The following GALNT18 variants were observed in gnomAD, a reference collection of about 807,000 sequenced individuals.
The protein encoded by GALNT18 is GalNAc-transferase 18.
Under a neutral mutation model 69.5 loss-of-function variants are expected in GALNT18, and 44 were observed. The ratio of observed to expected loss-of-function variants is 0.63; its 90% confidence interval spans 0.50 to 0.81. GALNT18 has a LOEUF of 0.81. Among genes scored for constraint, GALNT18 ranks in the 40% least tolerant of loss-of-function variants. The pLI is 0.00. For missense variants in GALNT18, 715 were observed against 810.0 expected, an observed-to-expected ratio of 0.88 and a Z score of 1.42; for synonymous variants, 364 against 318.2, an observed-to-expected ratio of 1.14 and a Z score of -1.53.
intron 10 of GALNT18, among the ~76,000 whole-genome samples, chr11:11,286,196 T>TGAGA (rs1849189602): frequency 6.6e-6 from 1 of 152,348 alleles, no homozygotes; most frequent in East Asian, 1.9e-4. Flanking sequence ...CTCAACACCC[T>TGAGA]GAGATTTCAT....
chr11:11,456,632 G>A (rs1168432985), intron 1 of GALNT18, among the ~76,000 whole-genome samples: 1 of 152,130 alleles, frequency 6.6e-6, no homozygotes, highest in Non-Finnish European at 1.5e-5. Context: ...GGTTAGTACT[G>A]TCCCTTGACA....
chr11:11,602,226 T>C lies in GALNT18; in HGVS notation c.235+19133A>G, dbSNP rs111745185. 7.5e-3 allele frequency among the ~76,000 whole-genome samples: 1,147 copies of C among 152,274 alleles called. 19 individuals carry two copies. The highest frequency in any genetic ancestry group is 0.026 in the African/African-American group (1,092 of 41,536). On this transcript the variant is annotated intron_variant, in intron 1 of 10. Transcript: ENST00000227756. The surrounding 1 kb of genome is among the most constrained non-coding windows in gnomAD (Gnocchi z 4.7). ...TGGGTGGAGATGGTAGTCACTGATC[T>C]TCTTGAATTGTCTCTCCTGTTATGA... is the stretch of plus-strand genomic sequence containing the variant.
At position 11,614,324 on chromosome 11, in the gene GALNT18, TGA is replaced by T. The variant is rs1218655706; in HGVS notation, c.235+7033_235+7034del. ...GGTATGTCACATAGTGAGAGAGGGG[TGA>T]GAGAGAGAGGCAAGAGAGTGAGGAG... On this transcript the variant is annotated intron_variant, in intron 1 of 10. Transcript: ENST00000227756. The surrounding 1 kb of genome is among the most constrained non-coding windows in gnomAD (Gnocchi z 5.6). 6.8e-6 allele frequency among the ~76,000 whole-genome samples: 1 copy of T among 146,476 alleles called. No homozygotes were observed. Among genetic ancestry groups the T allele is most frequent in the Non-Finnish European group, 1.5e-5 (1 of 66,722 alleles).
intron 9 of GALNT18, among the ~76,000 whole-genome samples, chr11:11,308,078 A>G (rs1849608865): frequency 6.6e-6 from 1 of 152,142 alleles, no homozygotes; most frequent in Non-Finnish European, 1.5e-5. Flanking sequence ...TTATGGCTTT[A>G]CCTTAGCCAC....
At position 11,341,119 on chromosome 11, in the gene GALNT18, C is replaced by A. The variant is rs1299318436; in HGVS notation, c.1093-115G>T. The A allele has an allele frequency of 3.4e-6, 3 of 877,180 alleles. No individual in the cohort carries two copies. Among genetic ancestry groups the A allele is most frequent in the South Asian group, 3.5e-5 (2 of 56,996 alleles). The allele number at this position is 877,180 out of a possible 1,614,324, so 54.3% of individuals were successfully genotyped here. ...GAAAGTCAGCCCCTTCACCTTGACT[C>A]CCCAGATCACTCTCTGTGAAGGAGT... On this transcript the variant is annotated intron_variant, in intron 6 of 10. Coordinates refer to ENST00000227756, the MANE Select transcript of GALNT18 (RefSeq NM_198516.3). This position sits in a 1 kb window ranked among gnomAD's most constrained non-coding sequence, Gnocchi z 6.3.
At chr11:11,609,073 A>G (rs928281616) in intron 1 of GALNT18, among the ~76,000 whole-genome samples, 11 of 152,328 alleles carry the variant, frequency 7.2e-5, no homozygotes, top group African/African-American at 2.6e-4. Context: ...GGAGCATGTC[A>G]CATGTTTTCT....
At chr11:11,363,716 C>G (rs746375501) in intron 6 of GALNT18, among the ~76,000 whole-genome samples, 1 of 152,112 alleles carries the variant, frequency 6.6e-6, no homozygotes, top group Non-Finnish European at 1.5e-5. Context: ...ACTGAAAAGA[C>G]CTAGAAACAT....
chr11:11,447,355 C>T (rs1855679362), intron 2 of GALNT18, among the ~76,000 whole-genome samples: 1 of 152,192 alleles, frequency 6.6e-6, no homozygotes, highest in Non-Finnish European at 1.5e-5. Flanking sequence ...GTCTCTCTCT[C>T]TCTCCGACTT....
chr11:11,305,125 T>A (rs144256709), intron 9 of GALNT18, among the ~76,000 whole-genome samples: 205 of 152,264 alleles, frequency 1.3e-3, no homozygotes, highest in African/African-American at 4.6e-3. Flanking sequence ...ACCTCATCTA[T>A]GCAACGAAGA....
In GALNT18 at chr11:11,587,280, G is replaced by C. The variant is rs1204056757; in HGVS notation, c.235+34079C>G. Among the ~76,000 whole-genome samples the C allele has an allele frequency of 6.6e-6, 1 of 152,232 alleles. No individual in the cohort carries two copies. Among genetic ancestry groups the C allele is most frequent in the Non-Finnish European group, 1.5e-5 (1 of 68,044 alleles). On this transcript the variant is annotated intron_variant, in intron 1 of 10. Transcript: ENST00000227756. The surrounding 1 kb of genome is among the most constrained non-coding windows in gnomAD (Gnocchi z 4.4). ...TTTCTCAGAAATGAGGAAACTTGGA[G>C]GCAATTTGAGACTTGGGCTGAAAGG... is the stretch of plus-strand genomic sequence containing the variant.
rs564757059 is a variant in GALNT18 at position 11,616,096 on chromosome 11, A to G, written c.235+5263T>C. ...AGTGATCCTCCCACCTTGGCCTCCT[A>G]AAGTGCTGGGATTATAGGTATAAGC... On this transcript the variant is annotated intron_variant, in intron 1 of 10. Coordinates refer to ENST00000227756, the MANE Select transcript of GALNT18 (RefSeq NM_198516.3). This position sits in a 1 kb window ranked among gnomAD's most constrained non-coding sequence, Gnocchi z 4.4. 1.3e-5 allele frequency among the ~76,000 whole-genome samples: 2 copies of G among 152,176 alleles called. No individual in the cohort carries two copies. Among genetic ancestry groups the G allele is most frequent in the East Asian group, 3.9e-4 (2 of 5,180 alleles).
At chr11:11,521,058 A>G (rs1336873265) in intron 1 of GALNT18, among the ~76,000 whole-genome samples, 1 of 150,534 alleles carries the variant, frequency 6.6e-6, no homozygotes, top group Non-Finnish European at 1.5e-5. Context: ...CACATCTCTC[A>G]CTGGGGCTGA....
rs1373215066 is a variant in GALNT18 at position 11,341,396 on chromosome 11, A to G, written c.1093-392T>C. On this transcript the variant is annotated intron_variant, in intron 6 of 10. Coordinates refer to ENST00000227756, the MANE Select transcript of GALNT18 (RefSeq NM_198516.3). The surrounding 1 kb of genome is among the most constrained non-coding windows in gnomAD (Gnocchi z 6.3). The stretch of plus-strand genomic sequence containing the variant: ...TGCAGCAGTGGTTGACATAAAGGAG[A>G]ACCAGCAAGACTCCCAGCAGAGACT... 6.6e-6 allele frequency among the ~76,000 whole-genome samples: 1 copy of G among 152,040 alleles called. No individual in the cohort carries two copies. The highest frequency in any genetic ancestry group is 1.5e-5 in the Non-Finnish European group (1 of 68,020).
intron 1 of GALNT18, among the ~76,000 whole-genome samples, chr11:11,553,290 A>G (rs904836811): frequency 6.6e-6 from 1 of 152,186 alleles, no homozygotes; most frequent in African/African-American, 2.4e-5. Context: ...TGAGGTCCTG[A>G]GTAAACCTTC....
At chr11:11,307,728 C>T (rs1478096174) in intron 9 of GALNT18, among the ~76,000 whole-genome samples, 4 of 129,834 alleles carry the variant, frequency 3.1e-5, no homozygotes, top group Admixed American at 2.6e-4. Flanking sequence ...AGAAGCAGCT[C>T]TTCAGGAAGG....
Position 11,430,678 on chromosome 11 carries a change from A to G in GALNT18, c.595+1943T>C, listed in dbSNP as rs943896143. Among the ~76,000 whole-genome samples the G allele has an allele frequency of 6.6e-6, 1 of 152,152 alleles. No individual in the cohort carries two copies. Among genetic ancestry groups the G allele is most frequent in the Non-Finnish European group, 1.5e-5 (1 of 68,030 alleles). On this transcript the variant is annotated intron_variant, in intron 3 of 10. Transcript: ENST00000227756. The surrounding 1 kb of genome is among the most constrained non-coding windows in gnomAD (Gnocchi z 4.9). ...CCCTGGCTTGAAACTCTGAGCCATC[A>G]TTGACCTCCCCTCTGTTGGCCCGCC...
At chr11:11,336,084 G>A (rs185137769) in intron 7 of GALNT18, among the ~76,000 whole-genome samples, 2 of 152,312 alleles carry the variant, frequency 1.3e-5, no homozygotes, top group Admixed American at 1.3e-4. Context: ...ACTTAAAGGA[G>A]GGCTATCACT....
rs1023118281 is a variant in GALNT18, at chr11:11,353,104, G to A, written c.1093-12100C>T. 1.9e-6 allele frequency: 3 copies of A among 1,613,994 alleles called. No individual in the cohort carries two copies. In the African/African-American group the frequency reaches 4.0e-5, roughly 22 times the overall value. ...TCTGTGTAAACTCTGGCCCTGCTTGGCACGGGTCCCGACATGTCAGACAGG... is the reference window on the plus strand; with the variant it reads ...TCTGTGTAAACTCTGGCCCTGCTTGACACGGGTCCCGACATGTCAGACAGG... On this transcript the variant is annotated intron_variant, in intron 6 of 10. Coordinates refer to ENST00000227756, the MANE Select transcript of GALNT18 (RefSeq NM_198516.3).
chr11:11,409,910 A>G (rs1425479826), intron 3 of GALNT18, among the ~76,000 whole-genome samples: 1 of 152,206 alleles, frequency 6.6e-6, no homozygotes, highest in Non-Finnish European at 1.5e-5. Flanking sequence ...ACACAGTGAC[A>G]GGTCCATAGC....
Sources: gnomAD v4.1 joint callset for allele counts (sites outside exome capture counted in the v4.1 genomes callset) on GRCh38, gnomAD v4.1.1 for gene constraint, Gnocchi (gnomAD v3.1) non-coding constraint, MANE v1.5 for transcripts, NCBI Gene and HGNC (gene_info 2026-07-23, HGNC 2026-07-21) for gene names.